Variants in PEAK3 observed in about 807,000 individuals in gnomAD.
PEAK3 encodes the protein PEAK family member 3.
Under a neutral mutation model 13.3 loss-of-function variants are expected in PEAK3, and 15 were observed. That is an observed-to-expected ratio of 1.13 (90% CI 0.75 to 1.73). PEAK3 has a LOEUF of 1.73. Among genes scored for constraint, PEAK3 ranks in the 40% most tolerant of loss-of-function variants. The pLI is 0.00. For missense variants in PEAK3, 739 were observed against 690.2 expected (o/e 1.07, Z -0.79); for synonymous variants, 347 against 341.9 (o/e 1.01, Z -0.17).
At chr19:2,278,006 G>A (rs541671355) in intron 3 of PEAK3, among the ~76,000 whole-genome samples, 1 of 151,782 alleles carries the variant, frequency 6.6e-6, no homozygotes, top group South Asian at 2.1e-4. Flanking sequence ...TGGGACTACA[G>A]GTGCCCACCA....
rs920340296 is a variant in PEAK3 at position 2,275,266 on chromosome 19, C to G, written c.*414G>C. 1.2e-5 allele frequency: 2 copies of G among 160,586 alleles called. No homozygotes were observed. Among genetic ancestry groups the G allele is most frequent in the Non-Finnish European group, 2.7e-5 (2 of 73,758 alleles). 9.9% of individuals were successfully genotyped at this position (160,586 alleles called of 1,614,324 possible). A position where few individuals can be genotyped will look rare whatever the true frequency, so the allele number is the denominator to read the frequency against. On this transcript the variant is annotated 3_prime_UTR_variant, in exon 4 of 4. Transcript: ENST00000342063. ...TGGCCATCTTCAGCACAAGGGGGTGCTCCAGAGCCAGGAATGCCTCTGGTC... is the reference window on the plus strand; with the variant it reads ...TGGCCATCTTCAGCACAAGGGGGTGGTCCAGAGCCAGGAATGCCTCTGGTC...
Position 2,278,436 on chromosome 19 carries a change from C to T in PEAK3, c.612+148G>A, listed in dbSNP as rs561800247. 177 of 905,010 alleles carry T rather than the reference C, an allele frequency of 2.0e-4. No homozygotes were observed. The African/African-American group carries it at 3.3e-3, about 17-fold the overall frequency. The allele number at this position is 905,010 out of a possible 1,614,324, so 56.1% of individuals were successfully genotyped here. ...TTGGCCTCCCAAAGTGCTGGGATGA[C>T]AGGCGTGAGCCACCGCGCCCGGCTC... On this transcript the variant is annotated intron_variant, in intron 3 of 3. Transcript: ENST00000342063.
chr19:2,276,130 T>A lies in PEAK3; in HGVS notation c.972A>T (p.Pro324=). The A allele has an allele frequency of 6.5e-7, 1 of 1,538,634 alleles. No homozygotes were observed. Among genetic ancestry groups the A allele is most frequent in the South Asian group, 1.2e-5 (1 of 83,234 alleles). Residue 324 remains proline (P), a synonymous_variant, in exon 4 of 4, where the codon CCA becomes CCT. Coordinates refer to ENST00000342063, the MANE Select transcript of PEAK3 (RefSeq NM_198532.3). ...GGCCAAAGTCAGTGAGGAGCAGGCG[T>A]GGGGGCCCCGTCGTCGCACAGCCCC... ...APRGCATTGP[P]RLLLTDFGRV...
At chr19:2,281,081 T>G (rs1465478987) in intron 1 of PEAK3, 146 bp from the exon 2 acceptor site, 1 of 564,138 alleles carries the variant, frequency 1.8e-6, no homozygotes, top group Non-Finnish European at 3.1e-6. Flanking sequence ...GCACCCACAC[T>G]CCACTCCCTT....
rs2025389909 is a variant in PEAK3, at chr19:2,276,369, C to A, written c.733G>T (p.Ala245Ser). 1 of 1,599,644 alleles carries A rather than the reference C, an allele frequency of 6.3e-7. No individual in the cohort carries two copies. Among genetic ancestry groups the A allele is most frequent in the Middle Eastern group, 1.7e-4 (1 of 6,040 alleles). The change falls in exon 4 of 4, where the codon GCG becomes TCG. Residue 245 changes from alanine (A) to serine (S), a missense_variant. By Grantham distance (99) the Ala-to-Ser change is moderately conservative. Coordinates refer to ENST00000342063, the MANE Select transcript of PEAK3 (RefSeq NM_198532.3). ...AGCGCCACTGCGCCTCTCCAGGGCGCCCCGGGCAGTGTGCCTTCAGGCACC... is the reference window on the plus strand; with the variant it reads ...AGCGCCACTGCGCCTCTCCAGGGCGACCCGGGCAGTGTGCCTTCAGGCACC... ...GLVPEGTLPGAPWRGAVALAA... is the reference protein window; with the variant it reads ...GLVPEGTLPGSPWRGAVALAA...
chr19:2,280,839 G>A lies in PEAK3; in HGVS notation c.82+11C>T, dbSNP rs1413087078. 1.2e-6 allele frequency: 2 copies of A among 1,605,026 alleles called. No individual in the cohort carries two copies. The highest frequency in any genetic ancestry group is 4.5e-5 in the East Asian group (2 of 44,072). On this transcript the variant is annotated intron_variant, in intron 2 of 3. Coordinates refer to ENST00000342063, the MANE Select transcript of PEAK3 (RefSeq NM_198532.3). ...CCCCCGCAGCCCAGGGCTCCCTGGG[G>A]AGCTGCTTACCAAGGTTGCTATACG... is the stretch of plus-strand genomic sequence containing the variant.
chr19:2,281,852 C>T (rs529668807), intron 1 of PEAK3, among the ~76,000 whole-genome samples: 1 of 152,308 alleles, frequency 6.6e-6, no homozygotes, highest in East Asian at 1.9e-4. Flanking sequence ...GTGGGAAGGA[C>T]CCCCCTCTGC....
chr19:2,275,657 G>A lies in PEAK3; in HGVS notation c.*23C>T. 1 of 1,422,988 alleles carries A rather than the reference G, an allele frequency of 7.0e-7. No homozygotes were observed. Among genetic ancestry groups the A allele is most frequent in the Non-Finnish European group, 9.2e-7 (1 of 1,084,108 alleles). The allele number at this position is 1,422,988 out of a possible 1,614,324, so 88.1% of individuals were successfully genotyped here. ...CTGCCTCCTGGGCAGGCCTGGACCA[G>A]GTGTGTTCGCCCTGGGTTGGGGTCA... On this transcript the variant is annotated 3_prime_UTR_variant, in exon 4 of 4. Coordinates refer to ENST00000342063, the MANE Select transcript of PEAK3 (RefSeq NM_198532.3).
At chr19:2,277,867 CTTT>C (rs79647727) in intron 3 of PEAK3, among the ~76,000 whole-genome samples, 2 of 121,398 alleles carry the variant, frequency 1.6e-5, no homozygotes, top group Non-Finnish European at 1.7e-5. Context: ...GCTGCCCAGC[CTTT>C]TTTTTTTTTT....
chr19:2,278,563 G>A (rs117855924), intron 3 of PEAK3, 21 bp downstream of exon 3: 37,043 of 1,473,758 alleles, frequency 0.025, 606 homozygotes, highest in Non-Finnish European at 0.028. Flanking sequence ...ACCTCAGAGA[G>A]GGTGGGGCTG....
chr19:2,275,876 C>A lies in PEAK3; in HGVS notation c.1226G>T (p.Arg409Leu), dbSNP rs953046182. The change falls in exon 4 of 4, where the codon CGC becomes CTC. Residue 409 changes from arginine (R) to leucine (L), a missense_variant. Coordinates refer to ENST00000342063, the MANE Select transcript of PEAK3 (RefSeq NM_198532.3). ...LWGPGPELRGRGAPLGPWLRA... is the reference protein window; with the variant it reads ...LWGPGPELRGLGAPLGPWLRA... The stretch of plus-strand genomic sequence containing the variant: ...GAGCCAGGGACCAAGCGGTGCTCCG[C>A]GGCCGCGCAGCTCAGGCCCGGGCCC... 2 of 1,439,504 alleles carry A rather than the reference C, an allele frequency of 1.4e-6. No individual in the cohort carries two copies. Among genetic ancestry groups the A allele is most frequent in the Admixed American group, 2.8e-5 (1 of 35,848 alleles). 89.2% of individuals were successfully genotyped at this position (1,439,504 alleles called of 1,614,324 possible).
intron 3 of PEAK3, 37 bp downstream of exon 3, chr19:2,278,547 G>A (rs1310793974): frequency 1.4e-6 from 2 of 1,430,662 alleles, no homozygotes; most frequent in Non-Finnish European, 1.8e-6. Context: ...ATGGGGCACT[G>A]GGGACACCTC....
chr19:2,275,703 C>T lies in PEAK3; in HGVS notation c.1399G>A (p.Ala467Thr). The T allele has an allele frequency of 6.5e-7, 1 of 1,528,008 alleles. No homozygotes were observed. Among genetic ancestry groups the T allele is most frequent in the South Asian group, 1.3e-5 (1 of 79,316 alleles). The allele number at this position is 1,528,008 out of a possible 1,614,324, so 94.7% of individuals were successfully genotyped here. A position where few individuals can be genotyped will look rare whatever the true frequency, so the allele number is the denominator to read the frequency against. ...AEATESSMGQALALLWD is the reference protein window; with the variant it reads ...AEATESSMGQTLALLWD ...GGTCAGTCCCACAGCAGCGCCAGGG[C>T]CTGGCCCATCGAGGACTCGGTGGCC... Residue 467 changes from alanine (A) to threonine (T), a missense_variant, in exon 4 of 4, where the codon GCC (alanine) becomes ACC (threonine). Ala to Thr is a moderately conservative substitution (Grantham distance 58). Transcript: ENST00000342063.
rs1301037691 is a variant in PEAK3 at position 2,275,575 on chromosome 19, ACT to A, written c.*103_*104del. 6 of 1,064,442 alleles carry A rather than the reference ACT, an allele frequency of 5.6e-6. No individual in the cohort carries two copies. In the East Asian group the frequency reaches 9.8e-5, roughly 17 times the overall value. 65.9% of individuals were successfully genotyped at this position (1,064,442 alleles called of 1,614,324 possible). A position where few individuals can be genotyped will look rare whatever the true frequency, so the allele number is the denominator to read the frequency against. On this transcript the variant is annotated 3_prime_UTR_variant, in exon 4 of 4. Transcript: ENST00000342063. ...ATTGCTCTCTCTGCTGCGCTCCTGG[ACT>A]CTGCAGGAAGAGGGTGTCTTGGCTA...
intron 3 of PEAK3, among the ~76,000 whole-genome samples, chr19:2,277,265 G>A (rs914507473): frequency 1.3e-5 from 2 of 152,108 alleles, no homozygotes; most frequent in African/African-American, 2.4e-5. Context: ...TGGATCTTGG[G>A]GGTGGTTTAT....
Position 2,278,574 on chromosome 19 carries a change from TG to T in PEAK3, c.612+9del. 6.8e-7 allele frequency: 1 copy of T among 1,476,628 alleles called. No individual in the cohort carries two copies. 91.5% of individuals were successfully genotyped at this position (1,476,628 alleles called of 1,614,324 possible). A position where few individuals can be genotyped will look rare whatever the true frequency, so the allele number is the denominator to read the frequency against. Reference sequence around the variant, plus strand: ...GGACACCTCAGAGAGGGTGGGGCTGTGGGGCTCACCTTGGCGACCAGGATGT... The same window carrying T: ...GGACACCTCAGAGAGGGTGGGGCTGTGGGCTCACCTTGGCGACCAGGATGT... On this transcript the variant is annotated intron_variant, in intron 3 of 3. Transcript: ENST00000342063.
At chr19:2,276,683 A>C (rs2025393772) in intron 3 of PEAK3, among the ~76,000 whole-genome samples, 194 bp from the exon 4 acceptor site, 1 of 152,188 alleles carries the variant, frequency 6.6e-6, no homozygotes, top group African/African-American at 2.4e-5. Context: ...AAGGACTTTC[A>C]GGAAAGTTAA....
Position 2,275,776 on chromosome 19 carries a change from C to A in PEAK3, c.1326G>T (p.Gly442=). The A allele has an allele frequency of 3.2e-6, 5 of 1,579,722 alleles. No individual in the cohort carries two copies. The highest frequency in any genetic ancestry group is 4.3e-6 in the Non-Finnish European group (5 of 1,167,358). Residue 442 remains glycine (G), a synonymous_variant, in exon 4 of 4, where the codon GGG becomes GGT. Transcript: ENST00000342063. ...GCCAGTCCTCGAGGCTGGGAGCTTC[C>A]CCACCTGCGGCCCGCTCTGCTAGGC... ...VLRLAERAAG[G]EAPSLEDWLC... is the part of the protein sequence containing the mutation.
chr19:2,281,464 C>T (rs1163885014), intron 1 of PEAK3, among the ~76,000 whole-genome samples: 4 of 98,736 alleles, frequency 4.1e-5, no homozygotes, highest in Admixed American at 1.1e-4. Context: ...TGTGTGATCC[C>T]GAGTGGGTTT....
Sources: allele counts gnomAD v4.1 joint callset (sites outside exome capture counted in the v4.1 genomes callset), GRCh38; gene constraint gnomAD v4.1.1; transcripts MANE v1.5; gene names NCBI Gene and HGNC (gene_info 2026-07-23, HGNC 2026-07-21).